Variants in SEMA3D observed in about 807,000 individuals in gnomAD.
SEMA3D encodes semaphorin 3D.
A neutral mutation model predicts 100.1 loss-of-function variants in SEMA3D; 84 were observed. The ratio of observed to expected loss-of-function variants is 0.84; its 90% CI spans 0.70 to 1.01. SEMA3D has a LOEUF of 1.01. SEMA3D is among the 50% of genes least tolerant of loss of function. SEMA3D has a pLI of 0.00. For synonymous variants in SEMA3D, 312 were observed against 320.7 expected (o/e 0.97, Z 0.29); for missense variants, 875 against 934.1 (o/e 0.94, Z 0.82).
chr7:85,172,228 T>A (rs952308053), intron 1 of SEMA3D, among the ~76,000 whole-genome samples: 1 of 152,042 alleles, frequency 6.6e-6, no homozygotes, highest in Admixed American at 6.6e-5. Context: ...TTATGTATCC[T>A]ATCTCTAAAA....
At chr7:85,092,972 CAAGGCTATCTACTGA>C (rs1297215618) in intron 4 of SEMA3D, among the ~76,000 whole-genome samples, 2 of 151,904 alleles carry the variant, frequency 1.3e-5, no homozygotes. Context: ...AAATACTTTC[CAAGGCTATCTACTGA>C]AAGAAAAATA....
intron 1 of SEMA3D, among the ~76,000 whole-genome samples, chr7:85,173,799 C>A (rs966565903): frequency 3.3e-5 from 5 of 152,080 alleles, no homozygotes; most frequent in African/African-American, 7.2e-5. Context: ...AAGTAACTTG[C>A]CTGAATCACA....
the SEMA3D span, among the ~76,000 whole-genome samples, chr7:85,195,721 T>C: frequency 1.3e-5 from 2 of 152,318 alleles, no homozygotes; most frequent in Non-Finnish European, 2.9e-5. Flanking sequence ...TTTTCACCTA[T>C]TGTCCTTCTT....
At chr7:85,039,969 CTTTTTTTTTTTT>C (rs776990536) in intron 11 of SEMA3D, among the ~76,000 whole-genome samples, 9 of 90,628 alleles carry the variant, frequency 9.9e-5, no homozygotes, top group Non-Finnish European at 1.9e-4. Flanking sequence ...TACGCAAACA[CTTTTTTTTTTTT>C]TTTTTTTTTT....
chr7:85,061,222 C>T (rs954398108), intron 8 of SEMA3D, among the ~76,000 whole-genome samples: 4 of 152,048 alleles, frequency 2.6e-5, no homozygotes, highest in African/African-American at 7.2e-5. Context: ...GTATCCTCCT[C>T]GTAAGGTATT....
chr7:85,104,646 A>G (rs1788856310), intron 3 of SEMA3D, among the ~76,000 whole-genome samples: 1 of 152,044 alleles, frequency 6.6e-6, no homozygotes, highest in Non-Finnish European at 1.5e-5. Flanking sequence ...TTTAGGATTA[A>G]GCAACACAGA....
intron 18 of SEMA3D, among the ~76,000 whole-genome samples, chr7:85,005,003 G>C (rs531350547): frequency 6.6e-6 from 1 of 151,698 alleles, no homozygotes; most frequent in South Asian, 2.1e-4. Flanking sequence ...TGAAAGATGT[G>C]AGTGCAAACA....
intron 2 of SEMA3D, among the ~76,000 whole-genome samples, chr7:85,126,391 TGTGTGTGTGTGTC>T (rs1217873868): frequency 1.6e-4 from 19 of 117,060 alleles, no homozygotes; most frequent in East Asian, 1.0e-3. Flanking sequence ...TGTGTGTGTG[TGTGTGTGTGTGTC>T]GTGTGTGTGT....
intron 14 of SEMA3D, among the ~76,000 whole-genome samples, chr7:85,019,946 C>T (rs1399475845): frequency 6.6e-6 from 1 of 151,448 alleles, no homozygotes; most frequent in East Asian, 2.0e-4. Flanking sequence ...AAAGAGACCC[C>T]AGGCTTTCAT....
the SEMA3D span, among the ~76,000 whole-genome samples, chr7:85,213,504 A>G: frequency 6.6e-6 from 1 of 151,986 alleles, no homozygotes; most frequent in Non-Finnish European, 1.5e-5. Context: ...TTATTGATTG[A>G]TTACTTACTT....
intron 3 of SEMA3D, among the ~76,000 whole-genome samples, chr7:85,098,813 T>G (rs1788652084): frequency 6.6e-6 from 1 of 151,930 alleles, no homozygotes; most frequent in Admixed American, 6.6e-5. Flanking sequence ...TTAAAAATTG[T>G]CTGTGCTCCA....
intron 9 of SEMA3D, among the ~76,000 whole-genome samples, chr7:85,054,803 G>C (rs1554336951): frequency 1.3e-5 from 2 of 152,064 alleles, no homozygotes; most frequent in Non-Finnish European, 2.9e-5. Context: ...CTTAATAACT[G>C]AGTTGATGCT....
chr7:85,138,787 T>C (rs1789946796), intron 2 of SEMA3D, among the ~76,000 whole-genome samples: 1 of 151,602 alleles, frequency 6.6e-6, no homozygotes, highest in Non-Finnish European at 1.5e-5. Context: ...ACATTAGGTA[T>C]TTCTCCTAAT....
At chr7:85,223,439 A>G in the SEMA3D span, among the ~76,000 whole-genome samples, 3 of 152,110 alleles carry the variant, frequency 2.0e-5, no homozygotes, top group Non-Finnish European at 4.4e-5. Context: ...GCATGTTTAT[A>G]CCAGGACAAT....
chr7:85,058,474 G>A (rs1483602703), intron 8 of SEMA3D, among the ~76,000 whole-genome samples: 2 of 151,920 alleles, frequency 1.3e-5, no homozygotes, highest in Non-Finnish European at 2.9e-5. Context: ...AGCACCTCTT[G>A]GTGTGGCTCA....
At chr7:85,181,808 G>T in intron 1 of SEMA3D, 1 of 959,894 alleles carries the variant, frequency 1.0e-6, no homozygotes, top group Non-Finnish European at 1.2e-6. Context: ...AAGATGACCT[G>T]GTTGATGGCT....
the SEMA3D span, among the ~76,000 whole-genome samples, chr7:85,201,299 G>A: frequency 3.9e-5 from 6 of 152,100 alleles, no homozygotes; most frequent in South Asian, 2.1e-4. Context: ...AGCTTTGATC[G>A]CCTACACTTT....
At chr7:85,009,393 G>A in intron 17 of SEMA3D, among the ~76,000 whole-genome samples, 1 of 151,696 alleles carries the variant, frequency 6.6e-6, no homozygotes, top group East Asian at 2.0e-4. Context: ...AAGAAGAAAA[G>A]AAACATCTTT....
upstream of SEMA3D, among the ~76,000 whole-genome samples, chr7:85,187,871 C>A (rs899285205): frequency 6.6e-6 from 1 of 152,142 alleles, no homozygotes; most frequent in African/African-American, 2.4e-5. Flanking sequence ...ATTTGGTGAG[C>A]CCTGTACGTT....
Sources: allele counts gnomAD v4.1 joint callset (sites outside exome capture counted in the v4.1 genomes callset), GRCh38; gene constraint gnomAD v4.1.1; transcripts MANE v1.5; gene names NCBI Gene and HGNC (gene_info 2026-07-23, HGNC 2026-07-21).